LOC400499: variants seen among roughly 807,000 people sequenced by gnomAD.
chr16:11,440,723 C>A, the LOC400499 span: 10 of 398,922 alleles, frequency 2.5e-5, no homozygotes, highest in African/African-American at 1.2e-4. Flanking sequence ...AGTCTCCTGA[C>A]CTGGGATGTG....
the LOC400499 span, among the ~76,000 whole-genome samples, chr16:11,403,294 G>C: frequency 6.6e-6 from 1 of 152,188 alleles, no homozygotes; most frequent in South Asian, 2.1e-4. Flanking sequence ...GTTCTGGGGA[G>C]GCTGACCACA....
the LOC400499 span, chr16:11,399,949 C>T: frequency 5.0e-6 from 2 of 397,486 alleles, no homozygotes; most frequent in Non-Finnish European, 8.8e-6. Flanking sequence ...TGCCCCTCCC[C>T]CAGATATCCC....
chr16:11,469,235 C>T, the LOC400499 span: 3 of 399,316 alleles, frequency 7.5e-6, 1 homozygote, highest in African/African-American at 6.2e-5. Context: ...TGTGGGCACT[C>T]CCAAGAGCCT....
chr16:11,440,328 A>C, the LOC400499 span, among the ~76,000 whole-genome samples: 2 of 152,162 alleles, frequency 1.3e-5, no homozygotes, highest in South Asian at 4.1e-4. Flanking sequence ...GCTAGGTGGG[A>C]TCATGTGATG....
chr16:11,505,882 G>A, the LOC400499 span, among the ~76,000 whole-genome samples: 3 of 151,966 alleles, frequency 2.0e-5, no homozygotes, highest in East Asian at 3.8e-4. Flanking sequence ...CGTTAGAAAC[G>A]TTCAAATTCT....
chr16:11,506,350 G>C, the LOC400499 span, among the ~76,000 whole-genome samples: 1 of 152,152 alleles, frequency 6.6e-6, no homozygotes, highest in Non-Finnish European at 1.5e-5. Flanking sequence ...AAACAGCAGT[G>C]TTTAACAACC....
the LOC400499 span, among the ~76,000 whole-genome samples, chr16:11,419,553 T>A: frequency 6.6e-6 from 1 of 152,198 alleles, no homozygotes; most frequent in Non-Finnish European, 1.5e-5. Context: ...AAGGACTTCA[T>A]GTCTAGAACA....
the LOC400499 span, among the ~76,000 whole-genome samples, chr16:11,515,684 G>A: frequency 2.2e-5 from 3 of 135,290 alleles, no homozygotes; most frequent in South Asian, 2.4e-4. Context: ...GGAATTGGAG[G>A]AGAGGAAATG....
the LOC400499 span, chr16:11,411,347 A>G: frequency 2.5e-6 from 1 of 399,268 alleles, no homozygotes; most frequent in Non-Finnish European, 4.4e-6. Context: ...AGGAAAGAGA[A>G]GGCCTGAAGC....
chr16:11,450,568 G>A, the LOC400499 span: 13 of 1,519,432 alleles, frequency 8.6e-6, no homozygotes, highest in East Asian at 2.0e-4. Context: ...GATCTCAGTG[G>A]CAGGGGACCA....
chr16:11,446,495 CA>C, the LOC400499 span: 1 of 1,480,824 alleles, frequency 6.8e-7, no homozygotes, highest in Non-Finnish European at 9.1e-7. Context: ...GCGATGACAG[CA>C]ACTTGAACCA....
At chr16:11,374,245 T>A in the LOC400499 span, among the ~76,000 whole-genome samples, 4 of 152,226 alleles carry the variant, frequency 2.6e-5, no homozygotes, top group Non-Finnish European at 5.9e-5. Context: ...TGTTTGGTTT[T>A]ATAACTATGG....
chr16:11,448,946 T>G, the LOC400499 span: 2 of 1,497,036 alleles, frequency 1.3e-6, no homozygotes, highest in East Asian at 4.9e-5. Flanking sequence ...AGGCCGCTGT[T>G]AGGTTCAGCT....
the LOC400499 span, chr16:11,469,180 T>A: frequency 1.0e-5 from 4 of 399,384 alleles, no homozygotes; most frequent in South Asian, 5.0e-4. Context: ...CAAACCTTGA[T>A]GTAGTAGACG....
the LOC400499 span, among the ~76,000 whole-genome samples, chr16:11,422,174 G>C: frequency 6.6e-6 from 1 of 152,236 alleles, no homozygotes; most frequent in African/African-American, 2.4e-5. Context: ...GCCGAAACGG[G>C]CCGATCACTT....
chr16:11,475,437 A>G, the LOC400499 span, among the ~76,000 whole-genome samples: 2 of 152,364 alleles, frequency 1.3e-5, no homozygotes, highest in African/African-American at 4.8e-5. Flanking sequence ...TTTATTTCCA[A>G]GCATGTCCTT....
chr16:11,394,317 C>T, the LOC400499 span, among the ~76,000 whole-genome samples: 1 of 152,106 alleles, frequency 6.6e-6, no homozygotes, highest in African/African-American at 2.4e-5. Context: ...TCAGAGGCCC[C>T]CAAGAGAACA....
the LOC400499 span, among the ~76,000 whole-genome samples, chr16:11,387,597 T>G: frequency 6.6e-6 from 1 of 151,880 alleles, no homozygotes; most frequent in African/African-American, 2.4e-5. Context: ...CATGGGCTTA[T>G]GTGTGGGGAT....
the LOC400499 span, among the ~76,000 whole-genome samples, chr16:11,512,485 G>C: frequency 0.59 from 89,429 of 151,380 alleles, 26,832 homozygotes; most frequent in Admixed American, 0.66. Context: ...CACCTATAAT[G>C]CCAGGTACTC....
Sources: gnomAD v4.1 joint callset for allele counts (sites outside exome capture counted in the v4.1 genomes callset) on GRCh38, gnomAD v4.1.1 for gene constraint, MANE v1.5 for transcripts.